Variants in FAM153A observed in about 807,000 individuals in gnomAD.
FAM153A encodes family with sequence similarity 153 member A.
Under a neutral mutation model 48.1 loss-of-function variants are expected in FAM153A, and 12 were observed. The observed-to-expected ratio is 0.25, with a 90% CI of 0.16 to 0.40. The LOEUF is 0.40. Ranked by LOEUF, FAM153A falls within the 10% of genes least tolerant of loss-of-function variation. The probability of loss-of-function intolerance (pLI) is 1.00; values close to 1 mark genes in which losing one functional copy is unlikely to be tolerated. For missense variants in FAM153A, 111 were observed against 345.8 expected (o/e 0.32, Z 5.38); for synonymous variants, 36 against 118.2 (o/e 0.30, Z 4.51).
chr5:177,699,963 A>T, the FAM153A span, among the ~76,000 whole-genome samples: 1 of 152,064 alleles, frequency 6.6e-6, no homozygotes, highest in Non-Finnish European at 1.5e-5. Flanking sequence ...CCTTAACAAA[A>T]GCCTAGTGAA....
At chr5:177,695,886 GCA>G in the FAM153A span, among the ~76,000 whole-genome samples, 1 of 147,116 alleles carries the variant, frequency 6.8e-6, no homozygotes, top group African/African-American at 2.6e-5. Context: ...GGGCGGCCGG[GCA>G]GAGGCACTCC....
At chr5:177,769,067 TCC>T (rs1491224849) in intron 1 of FAM153A, among the ~76,000 whole-genome samples, 1 of 56,936 alleles carries the variant, frequency 1.8e-5, no homozygotes, top group African/African-American at 7.6e-5. Flanking sequence ...ACTAAAGAAA[TCC>T]AAAAAAAAAA....
At chr5:177,734,148 C>G (rs1764315225) in intron 14 of FAM153A, among the ~76,000 whole-genome samples, 1 of 120,600 alleles carries the variant, frequency 8.3e-6, no homozygotes, top group South Asian at 3.0e-4. Flanking sequence ...TGAGCAGGCC[C>G]CTTGCACGGG....
At chr5:177,753,971 G>A (rs1328807788), upstream of FAM153A, among the ~76,000 whole-genome samples, 3 of 151,926 alleles carry the variant, frequency 2.0e-5, no homozygotes, top group African/African-American at 7.3e-5. Context: ...CCTCATTGGG[G>A]ATTGTCGGAC....
At chr5:177,781,760 C>T (rs1769687305), upstream of FAM153A, 1 of 97,666 alleles carries the variant, frequency 1.0e-5, no homozygotes, top group East Asian at 3.3e-4. Context: ...GCTCTGTCGC[C>T]CAGGCTGGAG....
intron 26 of FAM153A, chr5:177,713,257 C>CTTTTTTTTTTTT (rs201370334): frequency 7.2e-6 from 1 of 138,852 alleles, no homozygotes; most frequent in Non-Finnish European, 1.5e-5. Flanking sequence ...TCTTTCTTTT[C>CTTTTTTTTTTTT]TTTTTTTTTT....
intron 4 of FAM153A, among the ~76,000 whole-genome samples, chr5:177,746,663 T>C (rs1279823053): frequency 6.7e-6 from 1 of 149,966 alleles, no homozygotes. Flanking sequence ...ACACTGTGTG[T>C]GTGTGTCATG....
chr5:177,698,176 G>T, the FAM153A span, among the ~76,000 whole-genome samples: 2 of 151,674 alleles, frequency 1.3e-5, no homozygotes, highest in East Asian at 3.9e-4. Context: ...ACCAAGGAAA[G>T]GTTCTCATTT....
the FAM153A span, among the ~76,000 whole-genome samples, chr5:177,699,524 G>A: frequency 2.0e-5 from 3 of 152,214 alleles, no homozygotes; most frequent in East Asian, 3.9e-4. Context: ...GAATGAGAGT[G>A]TAGATGTTAC....
rs550607750 is a variant in FAM153A, at chr5:177,729,383, A to G, written c.933+102T>C. The G allele has an allele frequency of 6.3e-6, 8 of 1,272,630 alleles. 3 individuals are homozygous for G. In the East Asian group the frequency reaches 1.6e-4, roughly 26 times the overall value. 78.8% of individuals were successfully genotyped at this position (1,272,630 alleles called of 1,614,324 possible). On this transcript the variant is annotated intron_variant, in intron 17 of 20. Transcript: ENST00000614127. ...TGCCCACCAAGAAATTCTGTCAGTC[A>G]CCTATAGTGTGTATGGTGAGGTGTA...
chr5:177,717,515 C>A (rs1394649475), downstream of FAM153A, among the ~76,000 whole-genome samples: 14 of 150,690 alleles, frequency 9.3e-5, no homozygotes, highest in African/African-American at 2.2e-4. Flanking sequence ...TTGCCAGGGA[C>A]TAAGATGTTC....
upstream of FAM153A, chr5:177,781,436 A>G (rs1769657137): frequency 1.4e-5 from 1 of 69,270 alleles, no homozygotes; most frequent in East Asian, 4.8e-4. Context: ...ATTTTTACAA[A>G]TGTCATTACA....
Position 177,736,583 on chromosome 5 carries a change from G to A in FAM153A, c.660C>T (p.Ala220=), listed in dbSNP as rs199785250. Residue 220 remains alanine (A), a synonymous_variant, in exon 12 of 21, where the codon GCC becomes GCT. Transcript: ENST00000614127. ...AGATGATCCCAGAATACGTACATTCGGCCAGTGTGTCTGGGTCCCCCTCCA... is the reference window on the plus strand; with the variant it reads ...AGATGATCCCAGAATACGTACATTCAGCCAGTGTGTCTGGGTCCCCCTCCA... 2,040 of 1,515,608 alleles carry A rather than the reference G, an allele frequency of 1.3e-3. 154 individuals are homozygous for A. The South Asian group carries it at 0.023, about 17-fold the overall frequency. 93.9% of individuals were successfully genotyped at this position (1,515,608 alleles called of 1,614,324 possible).
At chr5:177,708,531 C>G (rs542743099), downstream of FAM153A, among the ~76,000 whole-genome samples, 2 of 151,302 alleles carry the variant, frequency 1.3e-5, no homozygotes, top group African/African-American at 4.9e-5. Context: ...GAGCAGAGAT[C>G]GTGCCATTGC....
At position 177,712,595 on chromosome 5, in the gene FAM153A, C is replaced by A. The variant is rs1359650058; in HGVS notation, c.*1967G>T. ...GATGTGACACTCAAGGCTGGTATAC[C>A]ACGTGGTTACTGATTGAGAAATGTA... On this transcript the variant is annotated 3_prime_UTR_variant and NMD_transcript_variant, in exon 27 of 27. Coordinates refer to the FAM153A transcript ENST00000360669. 4.0e-5 allele frequency: 6 copies of A among 151,850 alleles called. No homozygotes were observed. In the East Asian group the frequency reaches 1.2e-3, roughly 29 times the overall value. 9.4% of individuals were successfully genotyped at this position (151,850 alleles called of 1,614,324 possible). A position where few individuals can be genotyped will look rare whatever the true frequency, so the allele number is the denominator to read the frequency against.
At position 177,769,799 on chromosome 5, in the gene FAM153A, T is replaced by A. The variant is rs1471933301; in HGVS notation, c.-57+10650A>T. Among the ~76,000 whole-genome samples, 2 of 96,566 alleles carry A rather than the reference T, an allele frequency of 2.1e-5. 1 individual carries two copies. The highest frequency in any genetic ancestry group is 4.3e-5 in the Non-Finnish European group (2 of 46,778). The allele number at this position is 96,566 out of a possible 152,430, so 63.4% of individuals were successfully genotyped here. A position where few individuals can be genotyped will look rare whatever the true frequency, so the allele number is the denominator to read the frequency against. On this transcript the variant is annotated intron_variant, in intron 1 of 8. Transcript: ENST00000393518. ...CAGAAAGAACCACTGGAAAGATCACTCCTTTAAGAGCTTATCCACTCGGAA... is the reference window on the plus strand; with the variant it reads ...CAGAAAGAACCACTGGAAAGATCACACCTTTAAGAGCTTATCCACTCGGAA...
chr5:177,697,541 G>A, the FAM153A span, among the ~76,000 whole-genome samples: 1 of 151,840 alleles, frequency 6.6e-6, no homozygotes, highest in Non-Finnish European at 1.5e-5. Context: ...GGTTGGAAAT[G>A]CACAGTCTGG....
At chr5:177,707,340 C>T (rs549581220), downstream of FAM153A, among the ~76,000 whole-genome samples, 23 of 151,898 alleles carry the variant, frequency 1.5e-4, no homozygotes, top group African/African-American at 5.3e-4. Context: ...CAAGTATCTT[C>T]TCAGACCAAA....
downstream of FAM153A, chr5:177,718,506 C>T (rs1760319510): frequency 7.5e-6 from 1 of 134,196 alleles, no homozygotes; most frequent in Non-Finnish European, 1.7e-5. Context: ...TCCAGTCCTT[C>T]TACTTCGTAT....
Sources: allele counts gnomAD v4.1 joint callset (sites outside exome capture counted in the v4.1 genomes callset), GRCh38; gene constraint gnomAD v4.1.1; transcripts MANE v1.5; gene names NCBI Gene and HGNC (gene_info 2026-07-23, HGNC 2026-07-21).